The following PDCD4 variants were observed in gnomAD, a reference collection of about 807,000 sequenced individuals.
PDCD4 encodes programmed cell death 4, also known as programmed cell death protein 4.
Under a neutral mutation model 54.0 loss-of-function variants are expected in PDCD4, and 56 were observed. That is an observed-to-expected ratio of 1.04 (90% CI 0.84 to 1.30). PDCD4 has a LOEUF of 1.30. Ranked by LOEUF, PDCD4 falls within the 50% of genes most tolerant of loss-of-function variation. The pLI is 0.00. For missense variants in PDCD4, 584 were observed against 559.8 expected (o/e 1.04, Z -0.44); for synonymous variants, 186 against 194.8 (o/e 0.95, Z 0.37).
chr10:110,882,963 A>T, intron 3 of PDCD4, 40 bp from the exon 4 acceptor site: 1 of 1,169,464 alleles, frequency 8.6e-7, no homozygotes, highest in Non-Finnish European at 1.3e-6. Context: ...CAAATTGATG[A>T]ATTTTGTGTT....
At chr10:110,894,620 T>A in intron 10 of PDCD4, 98 bp downstream of exon 10, 1 of 611,066 alleles carries the variant, frequency 1.6e-6, no homozygotes, top group South Asian at 2.2e-5. Context: ...TCTTTAGGTA[T>A]GTTTAGTGTT....
intron 3 of PDCD4, among the ~76,000 whole-genome samples, chr10:110,882,140 T>C (rs1376500670): frequency 6.6e-6 from 1 of 152,194 alleles, no homozygotes; most frequent in Non-Finnish European, 1.5e-5. Flanking sequence ...ATAGCCTAGG[T>C]TTCTTGTAAA....
At chr10:110,889,303 G>A (rs1845719945) in intron 6 of PDCD4, among the ~76,000 whole-genome samples, 1 of 151,604 alleles carries the variant, frequency 6.6e-6, no homozygotes, top group African/African-American at 2.4e-5. Flanking sequence ...TCATTAGTGA[G>A]CAAAACAGAT....
chr10:110,888,503 AT>A (rs1276758854), intron 6 of PDCD4, among the ~76,000 whole-genome samples: 1 of 152,162 alleles, frequency 6.6e-6, no homozygotes, highest in Non-Finnish European at 1.5e-5. Flanking sequence ...TAAGAAAATG[AT>A]TACATAAGTT....
At chr10:110,887,011 A>T (rs1845678511) in intron 5 of PDCD4, among the ~76,000 whole-genome samples, 1 of 152,138 alleles carries the variant, frequency 6.6e-6, no homozygotes, top group African/African-American at 2.4e-5. Flanking sequence ...TCATAAAACA[A>T]TATTTATAGT....
intron 8 of PDCD4, among the ~76,000 whole-genome samples, chr10:110,892,063 C>G (rs1845766084): frequency 6.6e-6 from 1 of 152,102 alleles, no homozygotes; most frequent in African/African-American, 2.4e-5. Context: ...ATTCAATTCT[C>G]TATACAGTAG....
At chr10:110,897,927 C>A (rs756568952) in intron 11 of PDCD4, 101 bp from the exon 12 acceptor site, 17 of 685,374 alleles carry the variant, frequency 2.5e-5, no homozygotes, top group Non-Finnish European at 3.7e-5. Flanking sequence ...CCTTTAAAAG[C>A]TAACACGTAA....
chr10:110,872,326 G>T (rs1330308289), intron 1 of PDCD4: 1 of 152,372 alleles, frequency 6.6e-6, no homozygotes, highest in African/African-American at 2.4e-5. Context: ...AGGGGCGCGC[G>T]AGGCGCTCGC....
chr10:110,889,503 T>C (rs200414658), intron 6 of PDCD4, 30 bp from the exon 7 acceptor site: 190 of 1,287,138 alleles, frequency 1.5e-4, no homozygotes, highest in Non-Finnish European at 1.9e-4. Context: ...TTAACTTTTT[T>C]TATAGCTCTT....
rs555296803 is a variant in PDCD4, at chr10:110,885,072, AG to A, written c.442-179del. On this transcript the variant is annotated intron_variant, in intron 4 of 11. Coordinates refer to ENST00000280154, the MANE Select transcript of PDCD4 (RefSeq NM_014456.5). ...TTGCCTCCCAAAGTGTTGGGATTAT[AG>A]GTATGAGTCTCCTTGCCTGGCCTAG... 1.7e-3 allele frequency: 761 copies of A among 442,574 alleles called. 4 individuals carry two copies. Among genetic ancestry groups the A allele is most frequent in the Non-Finnish European group, 2.2e-3 (558 of 250,004 alleles). 27.4% of individuals were successfully genotyped at this position (442,574 alleles called of 1,614,324 possible).
chr10:110,877,486 TAAATA>T (rs1353236723), intron 2 of PDCD4, among the ~76,000 whole-genome samples: 5 of 152,208 alleles, frequency 3.3e-5, no homozygotes, highest in African/African-American at 1.2e-4. Flanking sequence ...TATATTAGAT[TAAATA>T]AAATATATTT....
chr10:110,894,982 C>A (rs1283128083), intron 10 of PDCD4, among the ~76,000 whole-genome samples: 1 of 151,632 alleles, frequency 6.6e-6, no homozygotes, highest in African/African-American at 2.4e-5. Flanking sequence ...GGAGTTTGCC[C>A]AATGTCTGAT....
At chr10:110,881,061 T>G (rs1845582520) in intron 2 of PDCD4, among the ~76,000 whole-genome samples, 172 bp from the exon 3 acceptor site, 1 of 152,226 alleles carries the variant, frequency 6.6e-6, no homozygotes, top group African/African-American at 2.4e-5. Context: ...AAAAGTAATC[T>G]TATTTAGTTG....
intron 10 of PDCD4, 21 bp from the exon 11 acceptor site, chr10:110,895,927 C>A: frequency 6.5e-7 from 1 of 1,536,750 alleles, no homozygotes; most frequent in East Asian, 2.4e-5. Context: ...AACAATTCTG[C>A]ATGTAATTTC....
In PDCD4 at chr10:110,890,662, G is replaced by C; in HGVS notation, c.982G>C (p.Val328Leu). 6.3e-7 allele frequency: 1 copy of C among 1,586,476 alleles called. No individual in the cohort carries two copies. The highest frequency in any genetic ancestry group is 8.7e-7 in the Non-Finnish European group (1 of 1,156,000). Residue 328 changes from valine to leucine, a missense_variant, in exon 8 of 12, where the codon GTT (valine) becomes CTT (leucine). Val to Leu is a conservative substitution (Grantham distance 32). Coordinates refer to ENST00000280154, the MANE Select transcript of PDCD4 (RefSeq NM_014456.5). Reference sequence around the variant, plus strand: ...TGGGCAGCAATCTGTCAATCACCTTGTTAAAGAGGTAATGATTGGGTATTG... The same window carrying C: ...TGGGCAGCAATCTGTCAATCACCTTCTTAAAGAGGTAATGATTGGGTATTG... ...GGGQQSVNHL[V>L]KEIDMLLKEY...
intron 9 of PDCD4, 103 bp from the exon 10 acceptor site, chr10:110,894,309 G>A: frequency 1.1e-6 from 1 of 886,400 alleles, no homozygotes; most frequent in South Asian, 1.5e-5. Context: ...AAAGGAGGAA[G>A]TGGTTATTAA....
intron 2 of PDCD4, among the ~76,000 whole-genome samples, chr10:110,879,860 A>T (rs937868930): frequency 3.3e-5 from 5 of 152,178 alleles, no homozygotes; most frequent in African/African-American, 1.2e-4. Flanking sequence ...CTTCCTAAGT[A>T]TGTCAAGAAT....
intron 8 of PDCD4, among the ~76,000 whole-genome samples, chr10:110,893,844 T>A (rs1410053): frequency 0.99 from 150,566 of 152,224 alleles, 74,483 homozygotes; most frequent in East Asian, 1. Context: ...CTATTCGTAG[T>A]TCTCAGTGAT....
intron 9 of PDCD4, 73 bp downstream of exon 9, chr10:110,894,271 A>C (rs1272219348): frequency 5.2e-6 from 5 of 959,342 alleles, no homozygotes; most frequent in Non-Finnish European, 8.4e-6. Context: ...TATGCTTTTT[A>C]AATAATGTAC....
Sources: gnomAD v4.1 joint callset for allele counts (sites outside exome capture counted in the v4.1 genomes callset) on GRCh38, gnomAD v4.1.1 for gene constraint, MANE v1.5 for transcripts, NCBI Gene and HGNC (gene_info 2026-07-23, HGNC 2026-07-21) for gene names.